The following SH3TC2 variants were observed in gnomAD, a reference collection of about 807,000 sequenced individuals.
SH3TC2 encodes the protein SH3 domain and tetratricopeptide repeats 2.
In SH3TC2, 87 loss-of-function variants were observed where a neutral mutation model predicts 124.5. That is an observed-to-expected ratio of 0.70 (90% confidence interval 0.59 to 0.84). The LOEUF (loss-of-function observed/expected upper bound fraction) is 0.84, where lower values mean the gene tolerates loss of function less well. Ranked by LOEUF, SH3TC2 falls within the 40% of genes least tolerant of loss-of-function variation. SH3TC2 has a pLI of 0.00. For missense variants in SH3TC2, 1,536 were observed against 1,566.4 expected (o/e 0.98, Z 0.33); for synonymous variants, 634 against 628.5 (o/e 1.01, Z -0.13).
intron 12 of SH3TC2, among the ~76,000 whole-genome samples, chr5:149,013,317 G>A (rs1486754714): frequency 6.6e-6 from 1 of 152,052 alleles, no homozygotes; most frequent in South Asian, 2.1e-4. Flanking sequence ...GTTGTATCAA[G>A]GGTAGTTCCC....
At chr5:149,037,628 G>A (rs1754304582) in intron 8 of SH3TC2, among the ~76,000 whole-genome samples, 1 of 152,160 alleles carries the variant, frequency 6.6e-6, no homozygotes, top group Non-Finnish European at 1.5e-5. Context: ...CCTGCGCCCA[G>A]GCTTTCTACT....
At chr5:149,049,428 C>T (rs989012424) in intron 2 of SH3TC2, among the ~76,000 whole-genome samples, 1 of 152,162 alleles carries the variant, frequency 6.6e-6, no homozygotes, top group Non-Finnish European at 1.5e-5. Context: ...TGGCTTTTCC[C>T]TTTAGCAAAA....
intron 12 of SH3TC2, among the ~76,000 whole-genome samples, chr5:149,023,355 A>G (rs1406176547): frequency 2.6e-5 from 4 of 152,188 alleles, no homozygotes; most frequent in Non-Finnish European, 4.4e-5. Flanking sequence ...TGTAATAGAC[A>G]TTTTATCATG....
intron 11 of SH3TC2, 50 bp downstream of exon 11, chr5:149,026,810 T>C (rs751271483): frequency 6.2e-7 from 1 of 1,614,162 alleles, no homozygotes; most frequent in South Asian, 1.1e-5. Context: ...GGATAAAACT[T>C]GATCCAACAC....
Position 148,988,058 on chromosome 5 carries a change from G to T in SH3TC2, c.*16653C>A, listed in dbSNP as rs1436697133. Among the ~76,000 whole-genome samples the T allele has an allele frequency of 1.3e-5, 2 of 152,150 alleles. No individual in the cohort carries two copies. The highest frequency in any genetic ancestry group is 6.5e-5 in the Admixed American group (1 of 15,278). ...CATCTGCCCACTTGGAGACAGAGAA[G>T]GTGACTTACCTAATATTTTTCCTGC... On this transcript the variant is annotated 3_prime_UTR_variant, in exon 17 of 17. Transcript: ENST00000515425.
intron 3 of SH3TC2, 31 bp downstream of exon 3, chr5:149,047,831 C>T (rs376744909): frequency 6.2e-7 from 1 of 1,613,226 alleles, no homozygotes; most frequent in Non-Finnish European, 8.5e-7. Context: ...CAAGTCAGTA[C>T]TCAGCATTCA....
At position 149,004,872 on chromosome 5, in the gene SH3TC2, G is replaced by A; in HGVS notation, c.3706C>T (p.Leu1236=). 6.2e-7 allele frequency: 1 copy of A among 1,614,222 alleles called. No individual in the cohort carries two copies. The highest frequency in any genetic ancestry group is 8.5e-7 in the Non-Finnish European group (1 of 1,180,044). Residue 1236 remains leucine (L), a synonymous_variant, in exon 17 of 17, where the codon CTG becomes TTG. Transcript: ENST00000515425. ...DAHDATEYFL[L]ALAAAVLLGD... ...AGCAGGACCGCTGCTGCCAGGGCCAGAAGGAAGTACTCAGTGGCATCATGG... is the reference window on the plus strand; with the variant it reads ...AGCAGGACCGCTGCTGCCAGGGCCAAAAGGAAGTACTCAGTGGCATCATGG...
chr5:149,025,640 C>T (rs1299891606), intron 12 of SH3TC2: 2 of 152,336 alleles, frequency 1.3e-5, no homozygotes, highest in East Asian at 3.9e-4. Flanking sequence ...AACAGAACTT[C>T]AGTCTGCCCT....
chr5:149,046,976 A>C (rs1376624366), intron 3 of SH3TC2: 1 of 152,228 alleles, frequency 6.6e-6, no homozygotes, highest in Non-Finnish European at 1.5e-5. Flanking sequence ...CATTTAGAAC[A>C]CTTTTCTCCT....
At chr5:149,006,851 G>A (rs1422753462) in intron 16 of SH3TC2, 30 bp downstream of exon 16, 2 of 1,607,208 alleles carry the variant, frequency 1.2e-6, no homozygotes, top group African/African-American at 1.3e-5. Context: ...GGTGGTGGCT[G>A]TCAGGAAATC....
rs1468130529 is a variant in SH3TC2, at chr5:148,999,980, C to T, written c.*4731G>A. Among the ~76,000 whole-genome samples the T allele has an allele frequency of 6.6e-6, 1 of 152,176 alleles. No homozygotes were observed. The highest frequency in any genetic ancestry group is 1.5e-5 in the Non-Finnish European group (1 of 68,034). On this transcript the variant is annotated 3_prime_UTR_variant, in exon 17 of 17. Coordinates refer to ENST00000515425, the MANE Select transcript of SH3TC2 (RefSeq NM_024577.4). ...TTTGCTTGACACATGCACTGTCTGT[C>T]AATACCAACCTGCTGGTCTGCAGTT...
rs748461410 is a variant in SH3TC2, at chr5:149,007,170, C to T, written c.3479-93G>A. The T allele has an allele frequency of 1.1e-5, 13 of 1,221,180 alleles. No homozygotes were observed. In the South Asian group the frequency reaches 1.6e-4, roughly 15 times the overall value. 75.6% of individuals were successfully genotyped at this position (1,221,180 alleles called of 1,614,324 possible). On this transcript the variant is annotated intron_variant, in intron 15 of 16. Coordinates refer to ENST00000515425, the MANE Select transcript of SH3TC2 (RefSeq NM_024577.4). ...TTCCATAAAACTTTTTGAAGGTCTA[C>T]TAGATGTCAGGGACTGTGCTGGGGC... is the stretch of plus-strand genomic sequence containing the variant.
chr5:149,026,097 C>G (rs527310496), intron 12 of SH3TC2: 2 of 158,576 alleles, frequency 1.3e-5, no homozygotes, highest in South Asian at 3.7e-4. Context: ...TGGGGGTGAC[C>G]TTTCTTTAAA....
chr5:149,048,347 T>C (rs1754503039), intron 2 of SH3TC2, among the ~76,000 whole-genome samples: 1 of 152,160 alleles, frequency 6.6e-6, no homozygotes, highest in Non-Finnish European at 1.5e-5. Context: ...TGTGAAAGTT[T>C]AGAATCAATA....
rs533664874 is a variant in SH3TC2, at chr5:149,044,431, T to C, written c.385+102A>G. The C allele has an allele frequency of 7.3e-5, 64 of 870,876 alleles. No homozygotes were observed. In the African/African-American group the frequency reaches 1.0e-3, roughly 14 times the overall value. The allele number at this position is 870,876 out of a possible 1,614,324, so 53.9% of individuals were successfully genotyped here. A position where few individuals can be genotyped will look rare whatever the true frequency, so the allele number is the denominator to read the frequency against. On this transcript the variant is annotated intron_variant, in intron 4 of 16. Transcript: ENST00000515425. ...TAACCATCTTTTTTAAGGCTCTATT[T>C]CTCTTAATTACCAGAGCCAGGCCAA...
Position 149,027,317 on chromosome 5 carries a change from G to A in SH3TC2, c.2415C>T (p.Ala805=). The change falls in exon 11 of 17, where the codon GCC becomes GCT. Residue 805 remains alanine, a synonymous_variant. Transcript: ENST00000515425. ...SFESSLCLAW[A]YLLASQAKKA... is the part of the protein sequence containing the mutation. ...TCTTGGCCTGGCTGGCTAAGAGATA[G>A]GCCCATGCCAGGCAGAGAGAAGACT... 6.2e-7 allele frequency: 1 copy of A among 1,614,020 alleles called. No individual in the cohort carries two copies. Among genetic ancestry groups the A allele is most frequent in the Non-Finnish European group, 8.5e-7 (1 of 1,180,048 alleles).
chr5:148,982,512 G>A lies in SH3TC2; in HGVS notation c.*22199C>T, dbSNP rs778637809. Among the ~76,000 whole-genome samples the A allele has an allele frequency of 9.2e-5, 14 of 152,120 alleles. No individual in the cohort carries two copies. Among genetic ancestry groups the A allele is most frequent in the Admixed American group, 4.6e-4 (7 of 15,270 alleles). On this transcript the variant is annotated 3_prime_UTR_variant, in exon 17 of 17. Coordinates refer to ENST00000515425, the MANE Select transcript of SH3TC2 (RefSeq NM_024577.4). Reference sequence around the variant, plus strand: ...CCAAATTGACACCACTAGAGAACCAGCTAAATAAACTGTTATTCCCATCAT... The same window carrying A: ...CCAAATTGACACCACTAGAGAACCAACTAAATAAACTGTTATTCCCATCAT...
Position 149,047,964 on chromosome 5 carries a change from C to G in SH3TC2, c.177G>C (p.Lys59Asn), listed in dbSNP as rs1580914443. The G allele has an allele frequency of 9.9e-6, 16 of 1,614,084 alleles. No homozygotes were observed. In the East Asian group the frequency reaches 3.3e-4, roughly 34 times the overall value. ...CATTTACACACCTCCTGGAGCGGCT[C>G]TTTACACAGAAGGAGAGTGTCAGGT... ...NPDLTLSFCV[K>N]SRSRRCVNGP... The change falls in exon 3 of 17, where the codon AAG (lysine) becomes AAC (asparagine). Residue 59 changes from lysine to asparagine, a missense_variant. Physicochemically the swap from Lys to Asn is moderately conservative, Grantham distance 94. Coordinates refer to ENST00000515425, the MANE Select transcript of SH3TC2 (RefSeq NM_024577.4).
intron 3 of SH3TC2, 178 bp from the exon 4 acceptor site, chr5:149,044,816 T>C: frequency 1.7e-6 from 1 of 594,972 alleles, no homozygotes; most frequent in Non-Finnish European, 3.0e-6. Context: ...TGGAGTACAA[T>C]TTATCCATAA....
Sources: allele counts gnomAD v4.1 joint callset (sites outside exome capture counted in the v4.1 genomes callset), GRCh38; gene constraint gnomAD v4.1.1; transcripts MANE v1.5; gene names NCBI Gene and HGNC (gene_info 2026-07-23, HGNC 2026-07-21).